The following FAF1 variants were observed in gnomAD, a reference collection of about 807,000 sequenced individuals.
FAF1 encodes the protein FAS-associated factor 1.
Under a neutral mutation model 92.5 loss-of-function variants are expected in FAF1, and 25 were observed. That is an observed-to-expected ratio of 0.27 (90% CI 0.20 to 0.38). The LOEUF (loss-of-function observed/expected upper bound fraction) is 0.38. FAF1 is among the 10% of genes least tolerant of loss of function. FAF1 has a pLI of 1.00. For missense variants in FAF1, 636 were observed against 793.3 expected, an observed-to-expected ratio of 0.80 and a Z score of 2.38; for synonymous variants, 234 against 273.2, an observed-to-expected ratio of 0.86 and a Z score of 1.42.
chr1:50,484,128 G>A (rs948550092), intron 17 of FAF1, among the ~76,000 whole-genome samples: 1 of 152,074 alleles, frequency 6.6e-6, no homozygotes, highest in Admixed American at 6.5e-5. Context: ...ATCACCAAAG[G>A]AGTAGAATGG....
intron 4 of FAF1, among the ~76,000 whole-genome samples, chr1:50,787,017 T>A (rs535754228): frequency 1.3e-5 from 2 of 152,264 alleles, no homozygotes; most frequent in South Asian, 4.1e-4. Flanking sequence ...ACAGGGAAAT[T>A]TCCAGAAACA....
At chr1:50,901,317 G>C (rs1436479721) in intron 1 of FAF1, among the ~76,000 whole-genome samples, 2 of 152,124 alleles carry the variant, frequency 1.3e-5, no homozygotes, top group African/African-American at 4.8e-5. Context: ...AATAAACAAT[G>C]AAAGATCAAT....
intron 1 of FAF1, among the ~76,000 whole-genome samples, chr1:50,867,689 G>T (rs1644493595): frequency 6.6e-6 from 1 of 152,134 alleles, no homozygotes; most frequent in African/African-American, 2.4e-5. Flanking sequence ...TATAGCTGTT[G>T]CTGTGGATGT....
intron 6 of FAF1, among the ~76,000 whole-genome samples, chr1:50,723,700 C>A (rs1658508014): frequency 6.6e-6 from 1 of 151,790 alleles, no homozygotes; most frequent in Non-Finnish European, 1.5e-5. Context: ...TCACTTGAGG[C>A]CAGAAGTTCA....
chr1:50,670,082 T>C (rs544489060), intron 7 of FAF1, among the ~76,000 whole-genome samples: 2 of 147,828 alleles, frequency 1.4e-5, no homozygotes, highest in East Asian at 2.0e-4. Flanking sequence ...GATTGCGCCA[T>C]TGCACTCCAG....
intron 7 of FAF1, among the ~76,000 whole-genome samples, chr1:50,671,716 C>T (rs891586393): frequency 4.6e-5 from 7 of 151,982 alleles, no homozygotes; most frequent in Middle Eastern, 3.4e-3. Context: ...TCATTAAGTA[C>T]CTACTGAACA....
intron 2 of FAF1, among the ~76,000 whole-genome samples, chr1:50,850,045 T>C (rs1644335013): frequency 6.7e-6 from 1 of 149,072 alleles, no homozygotes; most frequent in African/African-American, 2.5e-5. Flanking sequence ...AATAGTCTGT[T>C]AAGGAATAAA....
chr1:50,895,689 C>G (rs1405227705), intron 1 of FAF1, among the ~76,000 whole-genome samples: 1 of 152,152 alleles, frequency 6.6e-6, no homozygotes, highest in African/African-American at 2.4e-5. Context: ...AAAAATCATT[C>G]ATCATGACCA....
intron 13 of FAF1, among the ~76,000 whole-genome samples, chr1:50,557,721 T>A (rs1649657026): frequency 6.6e-6 from 1 of 152,150 alleles, no homozygotes; most frequent in Non-Finnish European, 1.5e-5. Context: ...AGAAATGTGC[T>A]ACCAATTTCA....
chr1:50,596,690 A>G (rs1651837872), intron 8 of FAF1, among the ~76,000 whole-genome samples: 1 of 152,360 alleles, frequency 6.6e-6, no homozygotes, highest in Non-Finnish European at 1.5e-5. Flanking sequence ...AAGCTGCCTT[A>G]TATTTGAGTA....
At chr1:50,792,340 A>G (rs547826483) in intron 3 of FAF1, among the ~76,000 whole-genome samples, 2 of 152,358 alleles carry the variant, frequency 1.3e-5, no homozygotes, top group Admixed American at 6.5e-5. Flanking sequence ...AATTATGGTG[A>G]AAGTTGAATA....
At chr1:50,823,422 A>C (rs1168606180) in intron 2 of FAF1, among the ~76,000 whole-genome samples, 1 of 152,186 alleles carries the variant, frequency 6.6e-6, no homozygotes, top group Non-Finnish European at 1.5e-5. Context: ...TAAGCACATA[A>C]AATATCTACA....
chr1:50,890,469 C>A (rs1644709356), intron 1 of FAF1, among the ~76,000 whole-genome samples: 1 of 152,180 alleles, frequency 6.6e-6, no homozygotes, highest in Non-Finnish European at 1.5e-5. Flanking sequence ...ATGGTCTTTA[C>A]AATTTGGCAT....
intron 7 of FAF1, among the ~76,000 whole-genome samples, chr1:50,688,495 G>A (rs893690618): frequency 1.3e-5 from 2 of 152,092 alleles, no homozygotes; most frequent in African/African-American, 2.4e-5. Context: ...ACATACAATG[G>A]AATATTACTC....
chr1:50,777,364 A>G (rs1660999879), intron 4 of FAF1, among the ~76,000 whole-genome samples: 1 of 152,134 alleles, frequency 6.6e-6, no homozygotes, highest in African/African-American at 2.4e-5. Flanking sequence ...CAAGCTCAAC[A>G]GTGAGCTATG....
At chr1:50,783,334 G>A (rs1228117569) in intron 4 of FAF1, among the ~76,000 whole-genome samples, 1 of 152,092 alleles carries the variant, frequency 6.6e-6, no homozygotes, top group Non-Finnish European at 1.5e-5. Context: ...CTGAAGGAGG[G>A]AATACTTCCT....
At chr1:50,945,645 T>C (rs1251272498) in intron 1 of FAF1, among the ~76,000 whole-genome samples, 2 of 152,194 alleles carry the variant, frequency 1.3e-5, no homozygotes, top group African/African-American at 2.4e-5. Context: ...GGCATCTAGA[T>C]GAGTGATCCA....
intron 7 of FAF1, among the ~76,000 whole-genome samples, chr1:50,666,462 C>T (rs1421790502): frequency 3.9e-5 from 6 of 152,042 alleles, no homozygotes; most frequent in African/African-American, 1.4e-4. Flanking sequence ...CCACCTCAGC[C>T]CCCTCAAAGT....
chr1:50,641,281 A>G (rs773777453), intron 8 of FAF1, among the ~76,000 whole-genome samples: 3 of 152,062 alleles, frequency 2.0e-5, no homozygotes, highest in Non-Finnish European at 4.4e-5. Flanking sequence ...CAGGTAGATG[A>G]TTATTTCATT....
Sources: gnomAD v4.1 joint callset for allele counts (sites outside exome capture counted in the v4.1 genomes callset) on GRCh38, gnomAD v4.1.1 for gene constraint, MANE v1.5 for transcripts, NCBI Gene and HGNC (gene_info 2026-07-23, HGNC 2026-07-21) for gene names.